Variants in MYL5 observed in about 807,000 individuals in gnomAD.
MYL5 encodes myosin regulatory light chain 5.
A neutral mutation model predicts 20.8 loss-of-function variants in MYL5; 28 were observed. That is an observed-to-expected ratio of 1.35 (90% CI 1.00 to 1.84). The LOEUF is 1.84. MYL5 is among the 40% of genes most tolerant of loss of function. MYL5 has a pLI of 0.00. For synonymous variants in MYL5, 118 were observed against 87.4 expected, an observed-to-expected ratio of 1.35 and a Z score of -1.95; for missense variants, 274 against 227.3, an observed-to-expected ratio of 1.21 and a Z score of -1.32.
rs892752672 is a variant in MYL5, at chr4:680,953, C to T, written c.372-139C>T. Reference sequence around the variant, plus strand: ...TGAGTGTGTGTTGGGAAGGGACCTGCCCCAGGGCCACACTCCAGCGGGAAG... The same window carrying T: ...TGAGTGTGTGTTGGGAAGGGACCTGTCCCAGGGCCACACTCCAGCGGGAAG... On this transcript the variant is annotated intron_variant, in intron 5 of 6. Coordinates refer to ENST00000400159, the Ensembl canonical transcript of MYL5. 6.1e-6 allele frequency: 6 copies of T among 975,958 alleles called. No homozygotes were observed. In the African/African-American group the frequency reaches 6.5e-5, roughly 11 times the overall value. 60.5% of individuals were successfully genotyped at this position (975,958 alleles called of 1,614,324 possible). A position where few individuals can be genotyped will look rare whatever the true frequency, so the allele number is the denominator to read the frequency against.
intron 3 of MYL5, 30 bp from the exon 6 acceptor site, chr4:679,884 T>C (rs371217900): frequency 1.7e-4 from 271 of 1,588,624 alleles, no homozygotes; most frequent in Middle Eastern, 1.5e-3. Context: ...CAACAAGCCC[T>C]GCCCTGTGAT....
In MYL5 at chr4:680,154, G is replaced by C; in HGVS notation, c.292+136G>C. 3.4e-6 allele frequency: 3 copies of C among 886,742 alleles called. No homozygotes were observed. The South Asian group carries it at 5.3e-5, about 16-fold the overall frequency. 54.9% of individuals were successfully genotyped at this position (886,742 alleles called of 1,614,324 possible). A position where few individuals can be genotyped will look rare whatever the true frequency, so the allele number is the denominator to read the frequency against. On this transcript the variant is annotated intron_variant, in intron 4 of 6. Coordinates refer to ENST00000400159, the Ensembl canonical transcript of MYL5. ...CCTGGCACTCTGGGAGCCAACAACTGTGGGGCCCCGTCAGCCACCCCAGAG... is the reference window on the plus strand; with the variant it reads ...CCTGGCACTCTGGGAGCCAACAACTCTGGGGCCCCGTCAGCCACCCCAGAG...
intron 3 of MYL5, 31 bp downstream of exon 5, chr4:679,064 C>CT (rs951948329): frequency 6.3e-7 from 1 of 1,579,278 alleles, no homozygotes. Flanking sequence ...CCTCAGAGCC[C>CT]TTGGAGGAGG....
At chr4:679,271 G>GCCCTGAAGCTGCAAGGTGATGGCCC in intron 3 of MYL5, 1 of 631,766 alleles carries the variant, frequency 1.6e-6, no homozygotes, top group Non-Finnish European at 2.8e-6. Context: ...GAAACTCAGA[G>GCCCTGAAGCTGCAAGGTGATGGCCC]TGGGCTTTGA....
chr4:680,006 G>C, exon 4 of MYL5: 5 of 1,612,788 alleles, frequency 3.1e-6, no homozygotes, highest in Middle Eastern at 1.7e-4. Flanking sequence ...CCTGTTTGGG[G>C]AGAAGCTGAG....
chr4:681,615 G>GCCGC (rs1190435219), intron 6 of MYL5, among the ~76,000 whole-genome samples: 1 of 33,086 alleles, frequency 3.0e-5, no homozygotes, highest in Non-Finnish European at 5.9e-5. Flanking sequence ...GCCCCCTCCA[G>GCCGC]CGCCGCCCCG....
intron 4 of MYL5, 145 bp downstream of exon 6, chr4:680,163 C>T (rs1484779148): frequency 2.4e-5 from 19 of 792,710 alleles, no homozygotes; most frequent in African/African-American, 3.5e-5. Context: ...TGTGGGGCCC[C>T]GTCAGCCACC....
At chr4:677,789 G>C, upstream of MYL5, 1 of 639,460 alleles carries the variant, frequency 1.6e-6, no homozygotes. Context: ...AGGTAGTCCT[G>C]GCCAGAGGTA....
intron 5 of MYL5, 113 bp from the exon 8 acceptor site, chr4:680,979 G>A (rs903840268): frequency 6.7e-5 from 79 of 1,187,156 alleles, no homozygotes; most frequent in Admixed American, 1.0e-4. Context: ...CAGCGGGAAG[G>A]GCGGGAGTGC....
upstream of MYL5, chr4:676,267 C>T (rs1277401209): frequency 1.3e-5 from 2 of 152,348 alleles, no homozygotes; most frequent in South Asian, 2.1e-4. Context: ...CTCAGCAACT[C>T]CTGCTTCCAG....
chr4:680,622 C>T (rs369753150), intron 5 of MYL5, 35 bp downstream of exon 7: 9 of 1,600,542 alleles, frequency 5.6e-6, no homozygotes, highest in African/African-American at 2.7e-5. Flanking sequence ...GCCCGGCTTC[C>T]GGGGAACCCC....
chr4:680,669 AC>A, intron 5 of MYL5, 82 bp downstream of exon 7: 1 of 1,394,328 alleles, frequency 7.2e-7, no homozygotes, highest in South Asian at 1.2e-5. Flanking sequence ...ACAGTCAGCC[AC>A]CAGATGCCAC....
chr4:678,643 G>A lies in MYL5; in HGVS notation c.4-15G>A, dbSNP rs774185756. 41 of 1,595,606 alleles carry A rather than the reference G, an allele frequency of 2.6e-5. 1 individual carries two copies. Among genetic ancestry groups the A allele is most frequent in the Non-Finnish European group, 3.4e-5 (40 of 1,171,946 alleles). Reference sequence around the variant, plus strand: ...AGCCAGCCCAGGACCCTCAGCCATGGTGCTCCCACCGCAGGCCAGCAGGAA... The same window carrying A: ...AGCCAGCCCAGGACCCTCAGCCATGATGCTCCCACCGCAGGCCAGCAGGAA... On this transcript the variant is annotated splice_polypyrimidine_tract_variant and intron_variant, in intron 1 of 6. Coordinates refer to ENST00000400159, the Ensembl canonical transcript of MYL5.
chr4:679,083 G>GAGGTC, intron 3 of MYL5, 50 bp downstream of exon 5: 1 of 1,549,186 alleles, frequency 6.5e-7, no homozygotes, highest in Non-Finnish European at 8.9e-7. Flanking sequence ...GGCGAACACA[G>GAGGTC]AGGTCCTCCA....
At chr4:681,680 G>A (rs1320667218) in intron 6 of MYL5, 1 of 15,664 alleles carries the variant, frequency 6.4e-5, no homozygotes, top group Admixed American at 6.4e-4. Context: ...CTCCAGCGCC[G>A]CCCCGCCCCC....
At chr4:681,068 G>A (rs1306816940) in intron 5 of MYL5, 24 bp from the exon 8 acceptor site, 1 of 1,583,936 alleles carries the variant, frequency 6.3e-7, no homozygotes, top group Non-Finnish European at 8.6e-7. Flanking sequence ...ATCAGCCCGC[G>A]CTGACCCCTT....
At chr4:678,684 A>G in exon 2 of MYL5, 1 of 1,611,030 alleles carries the variant, frequency 6.2e-7, no homozygotes, top group Non-Finnish European at 8.5e-7. Context: ...AGAAGAAGGA[A>G]GGGGGTGCCC....
At chr4:680,018 G>C in exon 4 of MYL5, 2 of 1,609,272 alleles carry the variant, frequency 1.2e-6, no homozygotes, top group South Asian at 2.2e-5. Flanking sequence ...GAAGCTGAGC[G>C]GTGAGCACCG....
At chr4:681,208 A>AG in intron 6 of MYL5, 68 bp downstream of exon 8, 3 of 1,546,774 alleles carry the variant, frequency 1.9e-6, no homozygotes, top group Non-Finnish European at 2.6e-6. Flanking sequence ...AGCTGGGTGG[A>AG]GGGGGACGCG....
Sources: allele counts gnomAD v4.1 joint callset (sites outside exome capture counted in the v4.1 genomes callset), GRCh38; gene constraint gnomAD v4.1.1; transcripts MANE v1.5; gene names NCBI Gene and HGNC (gene_info 2026-07-23, HGNC 2026-07-21).